TRAPPC12: variants seen among roughly 807,000 people sequenced by gnomAD.
The protein encoded by TRAPPC12 is trafficking protein particle complex subunit 12, also known as TPR repeat protein 15.
Under a neutral mutation model 69.2 loss-of-function variants are expected in TRAPPC12, and 61 were observed. That is an observed-to-expected ratio of 0.88 (90% confidence interval 0.72 to 1.09). The LOEUF (loss-of-function observed/expected upper bound fraction) is 1.09, where lower values mean the gene tolerates loss of function less well. Ranked by LOEUF, TRAPPC12 falls within the 50% of genes least tolerant of loss-of-function variation. TRAPPC12 has a pLI of 0.00. For missense variants in TRAPPC12, 1,101 were observed against 1,016.4 expected (o/e 1.08, Z -1.13); for synonymous variants, 469 against 438.9 (o/e 1.07, Z -0.86).
Position 3,451,514 on chromosome 2 carries a change from T to G in TRAPPC12, c.1531-6107T>G, listed in dbSNP as rs78657034. 2.2e-4 allele frequency among the ~76,000 whole-genome samples: 34 copies of G among 152,294 alleles called. No individual in the cohort carries two copies. In the East Asian group the frequency reaches 6.4e-3, roughly 29 times the overall value. On this transcript the variant is annotated intron_variant, in intron 6 of 11. Transcript: ENST00000324266. ...CAATGAAGAACCCAGTTCAGAATTT[T>G]CTTTTTTTTTCTTTTTTGTTTTTTT...
intron 9 of TRAPPC12, among the ~76,000 whole-genome samples, chr2:3,474,020 C>T (rs941714473): frequency 2.6e-5 from 4 of 152,162 alleles, no homozygotes; most frequent in Admixed American, 1.3e-4. Context: ...CAGGACACTC[C>T]GCCTTGAGAA....
chr2:3,388,732 C>G, intron 2 of TRAPPC12, 62 bp downstream of exon 2: 5 of 1,409,842 alleles, frequency 3.5e-6, no homozygotes, highest in Non-Finnish European at 4.7e-6. Flanking sequence ...GAGATACGCA[C>G]AGTGCCCCTT....
chr2:3,383,493 G>A (rs1458848587), intron 1 of TRAPPC12, among the ~76,000 whole-genome samples: 1 of 150,194 alleles, frequency 6.7e-6, no homozygotes, highest in Middle Eastern at 3.2e-3. Flanking sequence ...CTGCCTCCTG[G>A]GTTCAAGCGA....
At chr2:3,438,393 CCCTGGATTAATCCCCCATCACG>C (rs1416607547) in intron 5 of TRAPPC12, among the ~76,000 whole-genome samples, 1 of 145,306 alleles carries the variant, frequency 6.9e-6, no homozygotes, top group East Asian at 2.1e-4. Context: ...CCCCCATCAC[CCCTGGATTAATCCCCCATCACG>C]CCTGGATTAA....
intron 9 of TRAPPC12, among the ~76,000 whole-genome samples, chr2:3,468,976 G>A (rs1665946417): frequency 6.6e-6 from 1 of 152,256 alleles, no homozygotes; most frequent in South Asian, 2.1e-4. Context: ...ACTAAATGTA[G>A]ACAGAATTGA....
chr2:3,410,830 G>GA (rs1662014985), intron 3 of TRAPPC12, among the ~76,000 whole-genome samples: 1 of 152,178 alleles, frequency 6.6e-6, no homozygotes, highest in South Asian at 2.1e-4. Flanking sequence ...AAGAGATCAA[G>GA]ACCATCCAGG....
intron 5 of TRAPPC12, among the ~76,000 whole-genome samples, chr2:3,427,330 G>A (rs1009152548): frequency 1.3e-5 from 2 of 152,186 alleles, no homozygotes; most frequent in African/African-American, 4.8e-5. Flanking sequence ...GACTGGAACT[G>A]GGACTGAACA....
chr2:3,384,773 G>A (rs532954694), intron 1 of TRAPPC12, among the ~76,000 whole-genome samples: 1 of 152,300 alleles, frequency 6.6e-6, no homozygotes, highest in Non-Finnish European at 1.5e-5. Context: ...GCCTTATAAA[G>A]TGAATTGGGT....
chr2:3,468,708 A>G (rs1304138426), intron 9 of TRAPPC12, among the ~76,000 whole-genome samples: 4 of 152,170 alleles, frequency 2.6e-5, no homozygotes, highest in Admixed American at 6.5e-5. Flanking sequence ...GAGTGACTCC[A>G]GTGCACACGT....
intron 5 of TRAPPC12, 110 bp from the exon 6 acceptor site, chr2:3,443,669 T>A: frequency 2.6e-6 from 2 of 778,404 alleles, no homozygotes; most frequent in Non-Finnish European, 4.6e-6. Flanking sequence ...AATAAAGGGA[T>A]CTGTCATCAC....
chr2:3,426,819 C>T (rs1026654071), intron 5 of TRAPPC12, among the ~76,000 whole-genome samples: 19 of 152,218 alleles, frequency 1.2e-4, no homozygotes, highest in African/African-American at 4.6e-4. Context: ...CCGTCCAGTC[C>T]GCACGTAGGT....
At chr2:3,469,107 C>T (rs949523582) in intron 9 of TRAPPC12, among the ~76,000 whole-genome samples, 2 of 152,228 alleles carry the variant, frequency 1.3e-5, no homozygotes, top group African/African-American at 2.4e-5. Flanking sequence ...TGTTCAGCCA[C>T]GGTTAGATTC....
chr2:3,465,669 A>C lies in TRAPPC12; in HGVS notation c.1750A>C (p.Ser584Arg). The change falls in exon 9 of 12, where the codon AGC (serine) becomes CGC (arginine). Residue 584 changes from serine (S) to arginine (R), a missense_variant. Physicochemically the swap from Ser to Arg is moderately radical, Grantham distance 110. Transcript: ENST00000324266. ...YYPEQEPQLL[S>R]GIGRISLQIG... ...CCCAGAGCAAGAGCCCCAGCTGCTC[A>C]GCGGCATCGGCCGGATTTCCCTGCA... 1 of 1,614,198 alleles carries C rather than the reference A, an allele frequency of 6.2e-7. No individual in the cohort carries two copies. The highest frequency in any genetic ancestry group is 8.5e-7 in the Non-Finnish European group (1 of 1,180,016).
chr2:3,474,621 T>G (rs1490470822), intron 9 of TRAPPC12, among the ~76,000 whole-genome samples: 2 of 152,200 alleles, frequency 1.3e-5, no homozygotes, highest in African/African-American at 4.8e-5. Flanking sequence ...GGGCGGCGTT[T>G]CCCCGGGTTT....
At chr2:3,394,057 A>T (rs1660979789) in intron 2 of TRAPPC12, among the ~76,000 whole-genome samples, 1 of 152,146 alleles carries the variant, frequency 6.6e-6, no homozygotes, top group African/African-American at 2.4e-5. Context: ...CACTTTGGAG[A>T]TATGTGGGCC....
Position 3,479,478 on chromosome 2 carries a change from A to G in TRAPPC12, c.*17A>G, listed in dbSNP as rs1374184274. The G allele has an allele frequency of 6.2e-7, 1 of 1,612,286 alleles. No individual in the cohort carries two copies. On this transcript the variant is annotated 3_prime_UTR_variant, in exon 12 of 12. Transcript: ENST00000324266. ...CTGGCCTAGCTGCCTCCAACACACT[A>G]CGTCAGAAGGACCCGGGTCTTTGAA...
At chr2:3,445,093 T>A (rs140255227) in intron 6 of TRAPPC12, among the ~76,000 whole-genome samples, 307 of 152,342 alleles carry the variant, frequency 2.0e-3, no homozygotes, top group African/African-American at 7.2e-3. Context: ...GTAGGAAATC[T>A]TTATAGTATT....
intron 6 of TRAPPC12, chr2:3,457,118 G>A (rs117295972): frequency 0.016 from 7,474 of 464,540 alleles, 149 homozygotes; most frequent in East Asian, 0.078. Context: ...CTACGCAGCC[G>A]TAAAAAAAGA....
chr2:3,433,915 C>T (rs141305856), intron 5 of TRAPPC12, among the ~76,000 whole-genome samples: 61 of 152,150 alleles, frequency 4.0e-4, no homozygotes, highest in African/African-American at 1.4e-3. Context: ...CTCTTTCTCC[C>T]TGCAGGAGAG....
Sources: gnomAD v4.1 joint callset for allele counts (sites outside exome capture counted in the v4.1 genomes callset) on GRCh38, gnomAD v4.1.1 for gene constraint, MANE v1.5 for transcripts, NCBI Gene and HGNC (gene_info 2026-07-23, HGNC 2026-07-21) for gene names.